Variants in ENTREP2 observed in about 807,000 individuals in gnomAD.
The protein encoded by ENTREP2 is endosomal transmembrane epsin interactor 2, also known as protein ENTREP2.
the ENTREP2 span, among the ~76,000 whole-genome samples, chr15:29,532,331 A>G: frequency 4.6e-5 from 7 of 152,376 alleles, no homozygotes; most frequent in South Asian, 4.1e-4. Context: ...TCTGATTAAA[A>G]TGTAGTTATA....
chr15:29,556,714 C>T, the ENTREP2 span, among the ~76,000 whole-genome samples: 1 of 152,062 alleles, frequency 6.6e-6, no homozygotes, highest in Non-Finnish European at 1.5e-5. Context: ...CCATGCAAGG[C>T]TCTGTCCTCT....
the ENTREP2 span, among the ~76,000 whole-genome samples, chr15:29,181,905 C>A: frequency 6.6e-6 from 1 of 152,010 alleles, no homozygotes. Flanking sequence ...CCTTTAAAAT[C>A]GGGAACAAGA....
chr15:29,340,210 T>C, the ENTREP2 span, among the ~76,000 whole-genome samples: 2 of 152,228 alleles, frequency 1.3e-5, no homozygotes, highest in Non-Finnish European at 2.9e-5. Context: ...AAAACCACCC[T>C]GTATCCAATA....
chr15:29,478,021 T>TATATATATA, the ENTREP2 span, among the ~76,000 whole-genome samples: 2 of 92,488 alleles, frequency 2.2e-5, no homozygotes, highest in African/African-American at 9.1e-5. Flanking sequence ...ATATATATAT[T>TATATATATA]TTTTTTTTTT....
chr15:29,490,357 C>T, the ENTREP2 span, among the ~76,000 whole-genome samples: 1 of 152,138 alleles, frequency 6.6e-6, no homozygotes, highest in Non-Finnish European at 1.5e-5. Flanking sequence ...CAAGATTTAC[C>T]GCAAAGAGCG....
the ENTREP2 span, chr15:29,269,804 C>G: frequency 1.7e-6 from 2 of 1,181,904 alleles, no homozygotes; most frequent in Non-Finnish European, 2.2e-6. Context: ...TGGAGGCGCG[C>G]GCAGTGTCGG....
At chr15:29,665,360 C>A in the ENTREP2 span, among the ~76,000 whole-genome samples, 1 of 152,248 alleles carries the variant, frequency 6.6e-6, no homozygotes, top group African/African-American at 2.4e-5. Context: ...AGATCTTGCT[C>A]AACTCTTCTG....
the ENTREP2 span, among the ~76,000 whole-genome samples, chr15:29,569,156 G>T: frequency 6.6e-6 from 1 of 152,150 alleles, no homozygotes; most frequent in African/African-American, 2.4e-5. Context: ...CCGTGTGCTT[G>T]CCTCCAACCT....
At chr15:29,563,130 G>A in the ENTREP2 span, among the ~76,000 whole-genome samples, 1 of 152,060 alleles carries the variant, frequency 6.6e-6, no homozygotes, top group Non-Finnish European at 1.5e-5. Flanking sequence ...TATTTTACAG[G>A]GAAACATGTC....
At chr15:29,206,028 C>T in the ENTREP2 span, among the ~76,000 whole-genome samples, 1 of 152,172 alleles carries the variant, frequency 6.6e-6, no homozygotes, top group Non-Finnish European at 1.5e-5. Context: ...GGAGAGGGTC[C>T]CCACAACACC....
At chr15:29,410,168 T>C in the ENTREP2 span, among the ~76,000 whole-genome samples, 3 of 152,218 alleles carry the variant, frequency 2.0e-5, no homozygotes, top group African/African-American at 7.2e-5. Context: ...CCTACCTAGA[T>C]GCTTGTGGAA....
the ENTREP2 span, among the ~76,000 whole-genome samples, chr15:29,174,709 AC>A: frequency 2.0e-4 from 27 of 137,586 alleles, 1 homozygote; most frequent in Middle Eastern, 3.6e-3. Context: ...AAACAAAACA[AC>A]AAAAAAAAAA....
chr15:29,175,932 T>C, the ENTREP2 span, among the ~76,000 whole-genome samples: 1 of 152,344 alleles, frequency 6.6e-6, no homozygotes, highest in South Asian at 2.1e-4. Flanking sequence ...CTCTACTTTC[T>C]GGGTCTTGAT....
At chr15:29,478,019 A>ATATATATTTTTTTTTTT in the ENTREP2 span, among the ~76,000 whole-genome samples, 2 of 54,288 alleles carry the variant, frequency 3.7e-5, no homozygotes, top group African/African-American at 1.8e-4. Flanking sequence ...ATATATATAT[A>ATATATATTTTTTTTTTT]TTTTTTTTTT....
At chr15:29,546,917 G>A in the ENTREP2 span, among the ~76,000 whole-genome samples, 100 of 144,490 alleles carry the variant, frequency 6.9e-4, no homozygotes, top group African/African-American at 2.2e-3. Flanking sequence ...AAAAAAAAAC[G>A]GATACAATTA....
chr15:29,419,505 G>C, the ENTREP2 span, among the ~76,000 whole-genome samples: 1 of 152,162 alleles, frequency 6.6e-6, no homozygotes. Flanking sequence ...AATGGGCCTA[G>C]TGTATGTGAT....
chr15:29,144,152 C>G, the ENTREP2 span, among the ~76,000 whole-genome samples: 1 of 152,176 alleles, frequency 6.6e-6, no homozygotes, highest in Admixed American at 6.5e-5. Flanking sequence ...CAAGAGACGC[C>G]TTCTTCTCTG....
the ENTREP2 span, among the ~76,000 whole-genome samples, chr15:29,667,805 A>G: frequency 6.6e-6 from 1 of 152,172 alleles, no homozygotes; most frequent in South Asian, 2.1e-4. Flanking sequence ...TGTCTTCAAC[A>G]TATGTTTTTG....
the ENTREP2 span, among the ~76,000 whole-genome samples, chr15:29,280,704 C>T: frequency 1.3e-5 from 2 of 152,310 alleles, no homozygotes; most frequent in South Asian, 2.1e-4. Flanking sequence ...TCTCAGCTGG[C>T]GTGGCTGCAG....
Sources: allele counts gnomAD v4.1 joint callset (sites outside exome capture counted in the v4.1 genomes callset), GRCh38; gene constraint gnomAD v4.1.1; transcripts MANE v1.5; gene names NCBI Gene and HGNC (gene_info 2026-07-23, HGNC 2026-07-21).